Variants in SLC1A2 observed in about 807,000 individuals in gnomAD.
The protein encoded by SLC1A2 is solute carrier family 1 member 2, also known as excitatory amino acid transporter 2.
SLC1A2 carries 15 observed loss-of-function variants against 48.8 expected under a neutral mutation model. The ratio of observed to expected loss-of-function variants is 0.31; its 90% CI spans 0.21 to 0.47. The LOEUF (loss-of-function observed/expected upper bound fraction) is 0.47, where lower values mean the gene tolerates loss of function less well. Among genes scored for constraint, SLC1A2 ranks in the 20% least tolerant of loss-of-function variants. The pLI is 0.99. For missense variants in SLC1A2, 502 were observed against 730.5 expected, an observed-to-expected ratio of 0.69 and a Z score of 3.61; for synonymous variants, 279 against 272.6, an observed-to-expected ratio of 1.02 and a Z score of -0.23.
At chr11:35,318,775 G>C (rs1204332814) in intron 1 of SLC1A2, among the ~76,000 whole-genome samples, 1 of 152,106 alleles carries the variant, frequency 6.6e-6, no homozygotes, top group East Asian at 1.9e-4. Context: ...TGCACACAAA[G>C]AAGAGACATA....
At chr11:35,269,131 A>G (rs1040100544) in intron 9 of SLC1A2, among the ~76,000 whole-genome samples, 15 of 152,204 alleles carry the variant, frequency 9.9e-5, no homozygotes, top group African/African-American at 3.6e-4. Context: ...AAGAGGCCCA[A>G]TAGAGACTCC....
In SLC1A2 at chr11:35,258,875, C is replaced by T. The variant is rs1363334176; in HGVS notation, c.*2019G>A. On this transcript the variant is annotated 3_prime_UTR_variant, in exon 11 of 11. Transcript: ENST00000278379. ...GAATCGCTTGAACTAGAGAGGTGGACATTGCAGTGCAGTGAGCTGAGATCG... is the reference window on the plus strand; with the variant it reads ...GAATCGCTTGAACTAGAGAGGTGGATATTGCAGTGCAGTGAGCTGAGATCG... The T allele has an allele frequency of 3.4e-5, 5 of 148,626 alleles. No homozygotes were observed. The highest frequency in any genetic ancestry group is 1.2e-4 in the African/African-American group (5 of 40,140). 9.2% of individuals were successfully genotyped at this position (148,626 alleles called of 1,614,324 possible).
In SLC1A2 at chr11:35,280,950, C is replaced by A. The variant is rs1378415114; in HGVS notation, c.1338G>T (p.Gly446=). 1.2e-6 allele frequency: 2 copies of A among 1,612,808 alleles called. No individual in the cohort carries two copies. Among genetic ancestry groups the A allele is most frequent in the Non-Finnish European group, 1.7e-6 (2 of 1,179,680 alleles). Reference sequence around the variant, plus strand: ...TCAGAATGAGGAGCATGGTGACCAGCCCGGCACTGGGGATACTGGCCGCGC... The same window carrying A: ...TCAGAATGAGGAGCATGGTGACCAGACCGGCACTGGGGATACTGGCCGCGC... ...SVGAASIPSA[G]LVTMLLILTA... is the part of the protein sequence containing the mutation. Residue 446 remains glycine (G), a synonymous_variant, in exon 9 of 11, where the codon GGG becomes GGT. Coordinates refer to ENST00000278379, the MANE Select transcript of SLC1A2 (RefSeq NM_004171.4).
At chr11:35,322,527 G>T in intron 1 of SLC1A2, 1 of 1,291,070 alleles carries the variant, frequency 7.7e-7, no homozygotes, top group Non-Finnish European at 1.1e-6. Flanking sequence ...TGTTTCTCCT[G>T]GAGGATGTGA....
In SLC1A2 at chr11:35,259,412, A is replaced by G. The variant is rs1950361596; in HGVS notation, c.*1482T>C. The G allele has an allele frequency of 6.5e-6, 1 of 152,684 alleles. No individual in the cohort carries two copies. The highest frequency in any genetic ancestry group is 2.1e-4 in the South Asian group (1 of 4,838). The allele number at this position is 152,684 out of a possible 1,614,324, so 9.5% of individuals were successfully genotyped here. Reference sequence around the variant, plus strand: ...TCCCAAGCTTACTCCCAAACCCAGCAACCTTAGGAAAATACTGTGCGTTAT... The same window carrying G: ...TCCCAAGCTTACTCCCAAACCCAGCGACCTTAGGAAAATACTGTGCGTTAT... On this transcript the variant is annotated 3_prime_UTR_variant, in exon 11 of 11. Coordinates refer to ENST00000278379, the MANE Select transcript of SLC1A2 (RefSeq NM_004171.4).
chr11:35,273,335 G>A (rs1234859395), intron 9 of SLC1A2, among the ~76,000 whole-genome samples: 2 of 152,152 alleles, frequency 1.3e-5, no homozygotes, highest in Non-Finnish European at 2.9e-5. Flanking sequence ...GTAAGCATTG[G>A]CTAAGAGCGT....
intron 1 of SLC1A2, among the ~76,000 whole-genome samples, chr11:35,396,259 T>A (rs1317680918): frequency 2.8e-5 from 3 of 107,310 alleles, no homozygotes; most frequent in African/African-American, 1.3e-4. Flanking sequence ...CACACTGACT[T>A]CCACAATGGT....
intron 1 of SLC1A2, among the ~76,000 whole-genome samples, chr11:35,350,060 T>C (rs1266352152): frequency 6.6e-6 from 1 of 152,182 alleles, no homozygotes; most frequent in Non-Finnish European, 1.5e-5. Context: ...ATGAAAGCAC[T>C]GTATGAGATC....
At chr11:35,262,043 T>C (rs1950401954) in intron 10 of SLC1A2, among the ~76,000 whole-genome samples, 1 of 152,230 alleles carries the variant, frequency 6.6e-6, no homozygotes, top group Non-Finnish European at 1.5e-5. Context: ...TTCAAACTAC[T>C]ATTACCAGGC....
At chr11:35,353,623 C>T (rs1565268966) in intron 1 of SLC1A2, among the ~76,000 whole-genome samples, 1 of 152,174 alleles carries the variant, frequency 6.6e-6, no homozygotes. Flanking sequence ...TTAATTCCCA[C>T]CTCAGATGAT....
chr11:35,288,100 A>C (rs1850882936), intron 7 of SLC1A2, among the ~76,000 whole-genome samples: 1 of 152,204 alleles, frequency 6.6e-6, no homozygotes, highest in Non-Finnish European at 1.5e-5. Flanking sequence ...GGAGAAGACC[A>C]TCTGCTCCAG....
chr11:35,405,226 T>C (rs1257400651), intron 1 of SLC1A2, among the ~76,000 whole-genome samples: 1 of 152,212 alleles, frequency 6.6e-6, no homozygotes, highest in Non-Finnish European at 1.5e-5. Flanking sequence ...CATTTTTATT[T>C]AGGTTGCTGG....
At chr11:35,387,089 A>T (rs1854606368) in intron 1 of SLC1A2, among the ~76,000 whole-genome samples, 1 of 152,068 alleles carries the variant, frequency 6.6e-6, no homozygotes, top group Non-Finnish European at 1.5e-5. Flanking sequence ...AGACCTTCTG[A>T]CTTTCCCATC....
At chr11:35,312,946 C>T (rs751553578) in intron 3 of SLC1A2, among the ~76,000 whole-genome samples, 1 of 152,122 alleles carries the variant, frequency 6.6e-6, no homozygotes, top group African/African-American at 2.4e-5. Context: ...TTTTACAGAA[C>T]TGGGAGAGTT....
chr11:35,296,488 A>C (rs1314655375), intron 6 of SLC1A2, among the ~76,000 whole-genome samples: 2 of 152,230 alleles, frequency 1.3e-5, no homozygotes, highest in Non-Finnish European at 2.9e-5. Flanking sequence ...AGTGAAAAGC[A>C]GTTAGTATAG....
intron 5 of SLC1A2, among the ~76,000 whole-genome samples, chr11:35,305,781 G>A (rs1438308010): frequency 6.6e-6 from 1 of 152,188 alleles, no homozygotes; most frequent in African/African-American, 2.4e-5. Context: ...GTCAGAGAAA[G>A]TGACTTTCTA....
At chr11:35,268,670 A>C (rs1850177457) in intron 9 of SLC1A2, among the ~76,000 whole-genome samples, 2 of 152,028 alleles carry the variant, frequency 1.3e-5, no homozygotes, top group Admixed American at 1.3e-4. Flanking sequence ...CTCAAAAAAA[A>C]AAAAAGAAAG....
intron 3 of SLC1A2, among the ~76,000 whole-genome samples, chr11:35,313,209 T>C (rs1385526764): frequency 6.6e-6 from 1 of 152,220 alleles, no homozygotes; most frequent in Non-Finnish European, 1.5e-5. Flanking sequence ...CTAGTAGTTC[T>C]GTGCCACACT....
At chr11:35,324,445 A>G (rs1852174494) in intron 1 of SLC1A2, among the ~76,000 whole-genome samples, 1 of 152,256 alleles carries the variant, frequency 6.6e-6, no homozygotes, top group African/African-American at 2.4e-5. Flanking sequence ...TCACTGGGTC[A>G]TTACAGAGCT....
Sources: gnomAD v4.1 joint callset for allele counts (sites outside exome capture counted in the v4.1 genomes callset) on GRCh38, gnomAD v4.1.1 for gene constraint, MANE v1.5 for transcripts, NCBI Gene and HGNC (gene_info 2026-07-23, HGNC 2026-07-21) for gene names.